OSBPL2: variants seen among roughly 807,000 people sequenced by gnomAD.
The protein encoded by OSBPL2 is oxysterol binding protein like 2, also known as oxysterol-binding protein-related protein 2.
In OSBPL2, 18 loss-of-function variants were observed where a neutral mutation model predicts 58.4. The ratio of observed to expected loss-of-function variants is 0.31; its 90% CI spans 0.21 to 0.46. OSBPL2 has a LOEUF of 0.46. Ranked by LOEUF, OSBPL2 falls within the 20% of genes least tolerant of loss-of-function variation. The pLI is 1.00. For synonymous variants in OSBPL2, 221 were observed against 234.1 expected (o/e 0.94, Z 0.51); for missense variants, 461 against 616.5 (o/e 0.75, Z 2.67).
chr20:62,283,315 G>A (rs1043936997), intron 9 of OSBPL2, among the ~76,000 whole-genome samples: 1 of 152,224 alleles, frequency 6.6e-6, no homozygotes, highest in African/African-American at 2.4e-5. Context: ...CCCCGCGTCT[G>A]TGTGCTGGCT....
intron 1 of OSBPL2, chr20:62,238,817 T>G (rs1979508019): frequency 6.6e-6 from 1 of 151,418 alleles, no homozygotes. Flanking sequence ...GGGGAAACTT[T>G]GGGAGGAAAG....
intron 4 of OSBPL2, among the ~76,000 whole-genome samples, chr20:62,265,978 C>G (rs1981634745): frequency 6.6e-6 from 1 of 152,040 alleles, no homozygotes; most frequent in African/African-American, 2.4e-5. Flanking sequence ...AAAAGATTAG[C>G]CAGGCATGGT....
intron 1 of OSBPL2, among the ~76,000 whole-genome samples, chr20:62,249,185 A>T (rs1980356890): frequency 6.6e-6 from 1 of 152,082 alleles, no homozygotes; most frequent in South Asian, 2.1e-4. Flanking sequence ...GCCTGCAGGG[A>T]TGGCGTCCTT....
intron 4 of OSBPL2, among the ~76,000 whole-genome samples, chr20:62,263,986 A>G (rs1981497103): frequency 6.6e-6 from 1 of 151,390 alleles, no homozygotes; most frequent in African/African-American, 2.4e-5. Context: ...AATGGCGTGA[A>G]CCCAGGAGGC....
At chr20:62,250,507 C>T (rs1239003802) in intron 1 of OSBPL2, among the ~76,000 whole-genome samples, 1 of 152,214 alleles carries the variant, frequency 6.6e-6, no homozygotes, top group Non-Finnish European at 1.5e-5. Context: ...ACATCGGTGT[C>T]TCAGTTGTCC....
In OSBPL2 at chr20:62,295,455, G is replaced by A. The variant is rs1252298459; in HGVS notation, c.*1568G>A. On this transcript the variant is annotated 3_prime_UTR_variant, in exon 14 of 14. Coordinates refer to ENST00000313733, the MANE Select transcript of OSBPL2 (RefSeq NM_144498.4). This position sits in a 1 kb window ranked among gnomAD's most constrained non-coding sequence, Gnocchi z 4.8. ...TTGGCGTCCACATCACACCTGTGACGGAAGCACTTCTGGAAGTGAACACTC... is the reference window on the plus strand; with the variant it reads ...TTGGCGTCCACATCACACCTGTGACAGAAGCACTTCTGGAAGTGAACACTC... 5 of 152,170 alleles carry A rather than the reference G, an allele frequency of 3.3e-5. No homozygotes were observed. 9.4% of individuals were successfully genotyped at this position (152,170 alleles called of 1,614,324 possible). A position where few individuals can be genotyped will look rare whatever the true frequency, so the allele number is the denominator to read the frequency against.
rs1983274831 is a variant in OSBPL2, at chr20:62,288,445, CT to C, written c.1126-761del. On this transcript the variant is annotated intron_variant, in intron 11 of 13. Coordinates refer to ENST00000313733, the MANE Select transcript of OSBPL2 (RefSeq NM_144498.4). This position sits in a 1 kb window ranked among gnomAD's most constrained non-coding sequence, Gnocchi z 4.8. ...GGCTGGGAGGCTATGGGTGCAGAGG[CT>C]GGGAGGCTGTGGGTACAGAGGCCGG... 6.8e-6 allele frequency among the ~76,000 whole-genome samples: 1 copy of C among 146,276 alleles called. No homozygotes were observed. Among genetic ancestry groups the C allele is most frequent in the Admixed American group, 6.8e-5 (1 of 14,692 alleles).
intron 7 of OSBPL2, chr20:62,280,171 C>A: frequency 8.3e-7 from 1 of 1,199,044 alleles, no homozygotes. Context: ...GGCAGCAGGT[C>A]CTAACAAATA....
intron 4 of OSBPL2, among the ~76,000 whole-genome samples, chr20:62,271,370 C>G (rs1982042747): frequency 6.6e-6 from 1 of 152,218 alleles, no homozygotes; most frequent in African/African-American, 2.4e-5. Context: ...TTGCCAGGTT[C>G]AGGTGTGTCC....
At chr20:62,291,987 T>C (rs1983553650) in intron 13 of OSBPL2, among the ~76,000 whole-genome samples, 194 bp downstream of exon 13, 1 of 150,724 alleles carries the variant, frequency 6.6e-6, no homozygotes, top group African/African-American at 2.4e-5. Context: ...TCCATTAAGG[T>C]AGTGACACCA....
chr20:62,290,143 A>G (rs981182407), intron 12 of OSBPL2, among the ~76,000 whole-genome samples: 1 of 152,226 alleles, frequency 6.6e-6, no homozygotes, highest in Non-Finnish European at 1.5e-5. Context: ...CAGATGAACA[A>G]CTTTCTCACT....
chr20:62,254,384 G>A (rs1200905184), intron 1 of OSBPL2, among the ~76,000 whole-genome samples: 2 of 152,264 alleles, frequency 1.3e-5, no homozygotes, highest in Non-Finnish European at 2.9e-5. Context: ...GAAGCACATC[G>A]CTGCAGTTGT....
intron 2 of OSBPL2, among the ~76,000 whole-genome samples, chr20:62,256,600 G>T (rs188957633): frequency 1.3e-5 from 2 of 152,182 alleles, no homozygotes; most frequent in African/African-American, 2.4e-5. Flanking sequence ...CTGCAGCTGC[G>T]CTCACAGCCG....
At chr20:62,279,813 C>G in intron 7 of OSBPL2, 1 of 385,384 alleles carries the variant, frequency 2.6e-6, no homozygotes, top group Non-Finnish European at 3.5e-6. Context: ...GGGCTGCTTG[C>G]TGCAGGGCAC....
At chr20:62,268,173 A>C (rs1981819258) in intron 4 of OSBPL2, among the ~76,000 whole-genome samples, 1 of 151,524 alleles carries the variant, frequency 6.6e-6, no homozygotes, top group South Asian at 2.1e-4. Flanking sequence ...TTGGGATTAC[A>C]AGCGTGAGCC....
intron 1 of OSBPL2, among the ~76,000 whole-genome samples, chr20:62,255,461 T>C (rs1980857608): frequency 6.6e-6 from 1 of 152,094 alleles, no homozygotes; most frequent in African/African-American, 2.4e-5. Flanking sequence ...TACATAACTG[T>C]AGATAATGCT....
intron 10 of OSBPL2, chr20:62,286,091 C>T (rs749374955): frequency 1.2e-5 from 2 of 164,412 alleles, no homozygotes; most frequent in Admixed American, 5.8e-5. Context: ...CCCAGCTCCT[C>T]TCCGTACAGT....
At chr20:62,243,535 T>C (rs1979883654) in intron 1 of OSBPL2, among the ~76,000 whole-genome samples, 1 of 152,108 alleles carries the variant, frequency 6.6e-6, no homozygotes, top group Admixed American at 6.5e-5. Flanking sequence ...GTTAACATCA[T>C]GGAGTTTTCA....
chr20:62,240,973 C>A lies in OSBPL2; in HGVS notation c.-129+2376C>A, dbSNP rs181817154. On this transcript the variant is annotated intron_variant, in intron 1 of 13. Coordinates refer to ENST00000313733, the MANE Select transcript of OSBPL2 (RefSeq NM_144498.4). Reference sequence around the variant, plus strand: ...GAGGTCTCCGTTCTGAGTTCAGTTCCAGGGGACTTCACACACTGCCTTAGA... The same window carrying A: ...GAGGTCTCCGTTCTGAGTTCAGTTCAAGGGGACTTCACACACTGCCTTAGA... 2.2e-3 allele frequency among the ~76,000 whole-genome samples: 333 copies of A among 152,256 alleles called. 2 individuals carry two copies. The Middle Eastern group carries it at 0.024, about 11-fold the overall frequency.
Sources: gnomAD v4.1 joint callset for allele counts (sites outside exome capture counted in the v4.1 genomes callset) on GRCh38, gnomAD v4.1.1 for gene constraint, Gnocchi (gnomAD v3.1) non-coding constraint, MANE v1.5 for transcripts, NCBI Gene and HGNC (gene_info 2026-07-23, HGNC 2026-07-21) for gene names.